The following GPC6 variants were observed in gnomAD, a reference collection of about 807,000 sequenced individuals.
GPC6 encodes glypican-6.
GPC6 carries 14 observed loss-of-function variants against 55.2 expected under a neutral mutation model. The ratio of observed to expected loss-of-function variants is 0.25; its 90% CI spans 0.17 to 0.40. The LOEUF is 0.40. Among genes scored for constraint, GPC6 ranks in the 10% least tolerant of loss-of-function variants. GPC6 has a pLI of 1.00. For missense variants in GPC6, 641 were observed against 708.5 expected, an observed-to-expected ratio of 0.90 and a Z score of 1.08; for synonymous variants, 278 against 259.6, an observed-to-expected ratio of 1.07 and a Z score of -0.68.
chr13:93,772,583 G>A (rs1268276627), intron 2 of GPC6, among the ~76,000 whole-genome samples: 2 of 151,950 alleles, frequency 1.3e-5, no homozygotes, highest in African/African-American at 2.4e-5. Flanking sequence ...ATATACACAA[G>A]GAAGAGAAAC....
At chr13:94,389,080 G>C (rs959086136) in intron 7 of GPC6, among the ~76,000 whole-genome samples, 3 of 152,148 alleles carry the variant, frequency 2.0e-5, no homozygotes, top group African/African-American at 7.2e-5. Context: ...ACTTACCTAA[G>C]CAACTTCTCA....
intron 1 of GPC6, among the ~76,000 whole-genome samples, chr13:93,442,028 T>C (rs990084603): frequency 6.6e-6 from 1 of 152,120 alleles, no homozygotes; most frequent in African/African-American, 2.4e-5. Context: ...CAGGAAAGGA[T>C]GGGCATTTGA....
At chr13:93,629,702 A>G (rs1566458178) in intron 2 of GPC6, among the ~76,000 whole-genome samples, 2 of 152,202 alleles carry the variant, frequency 1.3e-5, no homozygotes, top group Admixed American at 6.5e-5. Flanking sequence ...TGCTACTTCA[A>G]TATAACAATT....
intron 4 of GPC6, among the ~76,000 whole-genome samples, chr13:94,106,863 T>A (rs956722029): frequency 1.3e-5 from 2 of 152,190 alleles, no homozygotes; most frequent in African/African-American, 4.8e-5. Context: ...AGGCTGGTGA[T>A]GACTGAAAGT....
intron 7 of GPC6, among the ~76,000 whole-genome samples, chr13:94,390,349 G>T (rs1243946673): frequency 6.6e-6 from 1 of 152,094 alleles, no homozygotes; most frequent in Non-Finnish European, 1.5e-5. Flanking sequence ...TGGAAAGGTG[G>T]GTGTATTCAT....
intron 3 of GPC6, among the ~76,000 whole-genome samples, chr13:93,931,436 CAA>C (rs11334620): frequency 0.33 from 40,516 of 121,896 alleles, 6,012 homozygotes; most frequent in Middle Eastern, 0.42. Flanking sequence ...CATACACAGG[CAA>C]AAAAAAAAAA....
chr13:94,028,914 T>TC (rs955353795), intron 4 of GPC6, among the ~76,000 whole-genome samples: 84 of 152,258 alleles, frequency 5.5e-4, no homozygotes, highest in African/African-American at 2.0e-3. Context: ...ATGTGTTTTC[T>TC]CCCCCTCTGT....
At chr13:93,711,485 G>C (rs2138809178) in intron 2 of GPC6, among the ~76,000 whole-genome samples, 1 of 151,852 alleles carries the variant, frequency 6.6e-6, no homozygotes, top group Admixed American at 6.6e-5. Context: ...ATTTGTTTGG[G>C]GGCACAGCCA....
At chr13:93,666,023 T>C (rs1881117941) in intron 2 of GPC6, among the ~76,000 whole-genome samples, 1 of 152,048 alleles carries the variant, frequency 6.6e-6, no homozygotes. Flanking sequence ...ATTGAAAAAT[T>C]AAAAAGAGAA....
intron 1 of GPC6, among the ~76,000 whole-genome samples, chr13:93,391,049 AC>A: frequency 6.6e-6 from 1 of 152,218 alleles, no homozygotes; most frequent in East Asian, 1.9e-4. Context: ...TCAAGGAACA[AC>A]TTTTACCAAC....
chr13:93,647,783 C>T (rs946275381), intron 2 of GPC6, among the ~76,000 whole-genome samples: 2 of 152,132 alleles, frequency 1.3e-5, no homozygotes, highest in Non-Finnish European at 2.9e-5. Flanking sequence ...TATTCTTGCT[C>T]ACATTTCTGT....
intron 1 of GPC6, among the ~76,000 whole-genome samples, chr13:93,461,663 C>CG (rs1878695562): frequency 5.3e-4 from 3 of 5,712 alleles, no homozygotes; most frequent in Non-Finnish European, 1.0e-3. Context: ...TAGGTCCCGG[C>CG]GGGGGGGTTG....
At chr13:93,520,901 T>A (rs1881393808) in intron 1 of GPC6, among the ~76,000 whole-genome samples, 1 of 151,912 alleles carries the variant, frequency 6.6e-6, no homozygotes, top group Admixed American at 6.6e-5. Flanking sequence ...CCCACCTTTT[T>A]ACTTCTGTCT....
chr13:93,611,236 T>G (rs571954694), intron 2 of GPC6, among the ~76,000 whole-genome samples: 1 of 152,218 alleles, frequency 6.6e-6, no homozygotes, highest in South Asian at 2.1e-4. Flanking sequence ...ATGGTAAAAT[T>G]TAGACAATGA....
chr13:94,301,828 C>T lies in GPC6; in HGVS notation c.1009-4152C>T, dbSNP rs532719611. ...TCCCAATCTCCATCTCCAGCCATAA[C>T]CAACTGATCTACTGACTCTCATTGA... On this transcript the variant is annotated intron_variant, in intron 5 of 8. Transcript: ENST00000377047. Among the ~76,000 whole-genome samples the T allele has an allele frequency of 9.8e-5, 15 of 152,322 alleles. No homozygotes were observed. In the South Asian group the frequency reaches 2.7e-3, roughly 27 times the overall value.
chr13:93,929,286 T>G (rs17174756), intron 3 of GPC6, among the ~76,000 whole-genome samples: 44,691 of 152,084 alleles, frequency 0.29, 7,014 homozygotes, highest in East Asian at 0.43. Flanking sequence ...TACAGATCAT[T>G]TATTCTGTGG....
intron 1 of GPC6, among the ~76,000 whole-genome samples, chr13:93,360,210 G>T (rs1880995664): frequency 6.6e-6 from 1 of 152,196 alleles, no homozygotes; most frequent in African/African-American, 2.4e-5. Flanking sequence ...ACCCCAGAGT[G>T]AAAACCACTT....
chr13:93,365,896 A>G (rs910616151), intron 1 of GPC6, among the ~76,000 whole-genome samples: 5 of 152,128 alleles, frequency 3.3e-5, no homozygotes, highest in Non-Finnish European at 5.9e-5. Flanking sequence ...TCCAAATATA[A>G]TAAATATTTC....
At chr13:93,287,546 T>C (rs976459361) in intron 1 of GPC6, among the ~76,000 whole-genome samples, 6 of 152,212 alleles carry the variant, frequency 3.9e-5, no homozygotes, top group African/African-American at 1.4e-4. Context: ...GAAGAACTTA[T>C]CATCACTTCA....
Sources: gnomAD v4.1 joint callset for allele counts (sites outside exome capture counted in the v4.1 genomes callset) on GRCh38, gnomAD v4.1.1 for gene constraint, MANE v1.5 for transcripts, NCBI Gene and HGNC (gene_info 2026-07-23, HGNC 2026-07-21) for gene names.